The following RASSF4 variants were observed in gnomAD, a reference collection of about 807,000 sequenced individuals.
RASSF4 encodes the protein ras association domain-containing protein 4.
RASSF4 carries 38 observed loss-of-function variants against 41.1 expected under a neutral mutation model. That is an observed-to-expected ratio of 0.92 (90% CI 0.71 to 1.21). The LOEUF (loss-of-function observed/expected upper bound fraction) is 1.21. Among genes scored for constraint, RASSF4 ranks in the 50% most tolerant of loss-of-function variants. The pLI, the probability that RASSF4 is intolerant of heterozygous loss-of-function variation, is 0.00. For synonymous variants in RASSF4, 179 were observed against 163.4 expected (o/e 1.10, Z -0.73); for missense variants, 414 against 419.4 (o/e 0.99, Z 0.11).
Position 44,984,982 on chromosome 10 carries a change from GCCTGGCCTCTCC to G in RASSF4, c.531+18_531+29del. 1 of 1,605,726 alleles carries G rather than the reference GCCTGGCCTCTCC, an allele frequency of 6.2e-7. No individual in the cohort carries two copies. Among genetic ancestry groups the G allele is most frequent in the Non-Finnish European group, 8.5e-7 (1 of 1,177,670 alleles). Reference sequence around the variant, plus strand: ...TCTACAATCATAAGGTGATGCCCCAGCCTGGCCTCTCCCCTGGGCGCATGGGGAGCCAGGCCT... The same window carrying G: ...TCTACAATCATAAGGTGATGCCCCAGCCTGGGCGCATGGGGAGCCAGGCCT... On this transcript the variant is annotated intron_variant, in intron 6 of 10. Coordinates refer to ENST00000340258, the MANE Select transcript of RASSF4 (RefSeq NM_032023.4).
At chr10:44,971,709 C>A in intron 2 of RASSF4, 64 bp from the exon 3 acceptor site, 1 of 1,304,126 alleles carries the variant, frequency 7.7e-7, no homozygotes, top group Non-Finnish European at 1.1e-6. Context: ...GCCAGGGAAG[C>A]CAAAGGCCAG....
intron 3 of RASSF4, chr10:44,977,774 G>A (rs768613760): frequency 1.0e-5 from 16 of 1,601,246 alleles, no homozygotes; most frequent in Non-Finnish European, 1.4e-5. Flanking sequence ...GAAACGTGCG[G>A]TGATGTCTCG....
chr10:44,974,856 A>G (rs1841336678), intron 3 of RASSF4, among the ~76,000 whole-genome samples: 1 of 152,234 alleles, frequency 6.6e-6, no homozygotes, highest in Non-Finnish European at 1.5e-5. Flanking sequence ...TTCCTGTATC[A>G]TGAACCTCGC....
intron 3 of RASSF4, among the ~76,000 whole-genome samples, chr10:44,980,039 C>T (rs1329531838): frequency 6.6e-6 from 1 of 152,160 alleles, no homozygotes; most frequent in Non-Finnish European, 1.5e-5. Flanking sequence ...CCAGCCACAG[C>T]CCCACCTGGA....
chr10:44,977,490 C>T (rs763856475), intron 3 of RASSF4: 2 of 1,613,136 alleles, frequency 1.2e-6, no homozygotes, highest in Admixed American at 1.7e-5. Flanking sequence ...GCAGACTGCC[C>T]AAAAGTCCAG....
At chr10:44,981,989 A>T (rs962165528) in intron 3 of RASSF4, 1 of 163,234 alleles carries the variant, frequency 6.1e-6, no homozygotes, top group Non-Finnish European at 1.3e-5. Flanking sequence ...ACCCTTTGTC[A>T]GCCCTGGCAA....
At chr10:44,984,556 C>T in intron 5 of RASSF4, 2 of 550,678 alleles carry the variant, frequency 3.6e-6, no homozygotes, top group Non-Finnish European at 6.5e-6. Flanking sequence ...CCACCAAAGA[C>T]CTCCATGGGC....
Position 44,993,398 on chromosome 10 carries a change from C to A in RASSF4, c.*69C>A. 1 of 1,305,024 alleles carries A rather than the reference C, an allele frequency of 7.7e-7. No individual in the cohort carries two copies. The highest frequency in any genetic ancestry group is 1.1e-6 in the Non-Finnish European group (1 of 935,458). The allele number at this position is 1,305,024 out of a possible 1,614,324, so 80.8% of individuals were successfully genotyped here. ...TGTACACTGAGCCCTGGTTGCTGGC[C>A]CCGGCCGGTCACATTGACTGATGGC... is the stretch of plus-strand genomic sequence containing the variant. On this transcript the variant is annotated 3_prime_UTR_variant, in exon 11 of 11. Coordinates refer to ENST00000340258, the MANE Select transcript of RASSF4 (RefSeq NM_032023.4).
At chr10:44,968,006 G>A (rs76716272) in intron 1 of RASSF4, among the ~76,000 whole-genome samples, 1 of 152,286 alleles carries the variant, frequency 6.6e-6, no homozygotes, top group African/African-American at 2.4e-5. Context: ...AAAGCATAGG[G>A]CTCCTTAGGG....
intron 3 of RASSF4, among the ~76,000 whole-genome samples, chr10:44,980,550 C>A (rs1231984017): frequency 6.6e-6 from 1 of 152,180 alleles, no homozygotes; most frequent in Admixed American, 6.5e-5. Flanking sequence ...AGCCAAGCCC[C>A]CGACCTTGTC....
intron 3 of RASSF4, chr10:44,976,579 C>CAGACT: frequency 1.3e-5 from 2 of 152,896 alleles, no homozygotes; most frequent in Middle Eastern, 6.8e-3. Context: ...TAGGGTCCTT[C>CAGACT]AGACTCCAGA....
rs2274886 is a variant in RASSF4 at position 44,971,756 on chromosome 10, T to C, written c.63-17T>C. The C allele has an allele frequency of 0.046, 74,689 of 1,608,228 alleles. 2,003 individuals carry two copies. The highest frequency in any genetic ancestry group is 0.11 in the East Asian group (4,732 of 44,830). On this transcript the variant is annotated splice_polypyrimidine_tract_variant and intron_variant, in intron 2 of 10. Transcript: ENST00000340258. ...CTGCCACACCCTAGGAGTACATGTG[T>C]GTCTTTCCCTTTTTAGGTCGGAGCT...
intron 4 of RASSF4, chr10:44,982,925 GA>G: frequency 1.5e-6 from 1 of 684,950 alleles, no homozygotes; most frequent in South Asian, 1.5e-5. Context: ...TTGCTGGCAA[GA>G]AGGGACGACT....
intron 10 of RASSF4, among the ~76,000 whole-genome samples, 169 bp downstream of exon 10, chr10:44,992,171 C>T (rs552464925): frequency 9.2e-5 from 14 of 152,338 alleles, no homozygotes; most frequent in African/African-American, 1.9e-4. Flanking sequence ...GCCCCCTGCT[C>T]GGTATTGCCA....
chr10:44,968,849 T>C (rs1244887651), intron 1 of RASSF4, among the ~76,000 whole-genome samples: 1 of 152,086 alleles, frequency 6.6e-6, no homozygotes, highest in Non-Finnish European at 1.5e-5. Context: ...GTGGGCAGGA[T>C]GTGGTGTGGC....
rs1023766457 is a variant in RASSF4 at position 44,993,408 on chromosome 10, C to T, written c.*79C>T. The T allele has an allele frequency of 8.7e-6, 10 of 1,155,370 alleles. No individual in the cohort carries two copies. In the African/African-American group the frequency reaches 1.4e-4, roughly 16 times the overall value. 71.6% of individuals were successfully genotyped at this position (1,155,370 alleles called of 1,614,324 possible). A position where few individuals can be genotyped will look rare whatever the true frequency, so the allele number is the denominator to read the frequency against. On this transcript the variant is annotated 3_prime_UTR_variant, in exon 11 of 11. Coordinates refer to ENST00000340258, the MANE Select transcript of RASSF4 (RefSeq NM_032023.4). ...GCCCTGGTTGCTGGCCCCGGCCGGT[C>T]ACATTGACTGATGGCCACCGCCTGA...
intron 3 of RASSF4, among the ~76,000 whole-genome samples, chr10:44,973,574 T>C (rs1841270052): frequency 6.6e-6 from 1 of 152,226 alleles, no homozygotes; most frequent in African/African-American, 2.4e-5. Context: ...CACGCCCCTC[T>C]CCCAGCCTGC....
intron 5 of RASSF4, 184 bp downstream of exon 5, chr10:44,984,297 T>G: frequency 1.6e-6 from 1 of 613,274 alleles, no homozygotes; most frequent in South Asian, 2.1e-5. Flanking sequence ...CGCTCCTTTT[T>G]ATGGAAAAGT....
rs372413588 is a variant in RASSF4 at position 44,982,674 on chromosome 10, G to C, written c.281+11G>C. ...GCCTAGCTGCCCTCTGTGAGTACCC[G>C]GTGGCTTCTGTGACACCTGCTCAGC... is the stretch of plus-strand genomic sequence containing the variant. On this transcript the variant is annotated intron_variant, in intron 4 of 10. Transcript: ENST00000340258. 1 of 1,611,238 alleles carries C rather than the reference G, an allele frequency of 6.2e-7. No individual in the cohort carries two copies. Among genetic ancestry groups the C allele is most frequent in the Non-Finnish European group, 8.5e-7 (1 of 1,178,930 alleles).
Sources: gnomAD v4.1 joint callset for allele counts (sites outside exome capture counted in the v4.1 genomes callset) on GRCh38, gnomAD v4.1.1 for gene constraint, MANE v1.5 for transcripts, NCBI Gene and HGNC (gene_info 2026-07-23, HGNC 2026-07-21) for gene names.